The following ITGAV variants were observed in gnomAD, a reference collection of about 807,000 sequenced individuals.
The protein encoded by ITGAV is integrin subunit alpha V, also known as integrin alpha-V.
Under a neutral mutation model 143.8 loss-of-function variants are expected in ITGAV, and 76 were observed. That is an observed-to-expected ratio of 0.53 (90% CI 0.44 to 0.64). The LOEUF (loss-of-function observed/expected upper bound fraction) is 0.64. ITGAV is among the 30% of genes least tolerant of loss of function. The pLI, the probability that ITGAV is intolerant of heterozygous loss-of-function variation, is 0.00. For missense variants in ITGAV, 1,193 were observed against 1,274.7 expected (o/e 0.94, Z 0.98); for synonymous variants, 453 against 446.7 (o/e 1.01, Z -0.18).
chr2:186,607,651 G>T (rs1687105622), intron 2 of ITGAV, among the ~76,000 whole-genome samples: 1 of 152,006 alleles, frequency 6.6e-6, no homozygotes, highest in Non-Finnish European at 1.5e-5. Flanking sequence ...TAGCATAATG[G>T]GAACTAAACT....
chr2:186,633,564 A>G (rs1687875431), intron 6 of ITGAV, among the ~76,000 whole-genome samples, 190 bp downstream of exon 6: 2 of 150,728 alleles, frequency 1.3e-5, no homozygotes, highest in Admixed American at 1.3e-4. Flanking sequence ...ATATGTGTAT[A>G]TTCCTAGAAG....
At chr2:186,618,147 C>G (rs1031770634) in intron 2 of ITGAV, among the ~76,000 whole-genome samples, 5 of 152,124 alleles carry the variant, frequency 3.3e-5, no homozygotes, top group Admixed American at 3.3e-4. Context: ...GGTGAAACTT[C>G]TATGTAATGT....
At position 186,633,149 on chromosome 2, in the gene ITGAV, A is replaced by G. The variant is rs967714916; in HGVS notation, c.586-180A>G. 2.0e-5 allele frequency among the ~76,000 whole-genome samples: 3 copies of G among 151,880 alleles called. No individual in the cohort carries two copies. In the South Asian group the frequency reaches 6.2e-4, roughly 31 times the overall value. ...GGAAGACTTTGTCTCTACAAAAAAA[A>G]AAAAAAGTCTTATTAAATTTTAAAA... On this transcript the variant is annotated intron_variant, in intron 5 of 29. Transcript: ENST00000261023.
intron 2 of ITGAV, among the ~76,000 whole-genome samples, chr2:186,618,885 G>A (rs1390957360): frequency 2.0e-5 from 3 of 152,012 alleles, no homozygotes; most frequent in African/African-American, 7.3e-5. Flanking sequence ...CATATGATCT[G>A]GCAATCCCAC....
intron 2 of ITGAV, among the ~76,000 whole-genome samples, chr2:186,613,532 C>T (rs1184544776): frequency 6.6e-6 from 1 of 152,060 alleles, no homozygotes; most frequent in Non-Finnish European, 1.5e-5. Flanking sequence ...AAATTAATAA[C>T]ACTTTTGCAT....
rs553228033 is a variant in ITGAV, at chr2:186,627,899, T to G, written c.523+2312T>G. ...CTTTGTTTCTAATAGGCCTGACACT[T>G]TCAGTAACCCTTGATTATTGTACAT... is the stretch of plus-strand genomic sequence containing the variant. On this transcript the variant is annotated intron_variant, in intron 4 of 29. Transcript: ENST00000261023. 3.3e-5 allele frequency among the ~76,000 whole-genome samples: 5 copies of G among 152,290 alleles called. No individual in the cohort carries two copies. In the South Asian group the frequency reaches 1.0e-3, roughly 32 times the overall value.
rs1688937735 is a variant in ITGAV at position 186,667,671 on chromosome 2, A to C, written c.2328A>C (p.Gly776=). 1.9e-6 allele frequency: 3 copies of C among 1,562,758 alleles called. No homozygotes were observed. The highest frequency in any genetic ancestry group is 2.7e-5 in the African/African-American group (2 of 73,900). The change falls in exon 24 of 30, where the codon GGA becomes GGC. Residue 776 remains glycine, a splice_region_variant and synonymous_variant. Coordinates refer to ENST00000261023, the MANE Select transcript of ITGAV (RefSeq NM_002210.5). Reference sequence around the variant, plus strand: ...TAGGTTTTCTTTGGTCATTGTTTAGAGTCTCGAGTCCTGATCATGTCTTTC... The same window carrying C: ...TAGGTTTTCTTTGGTCATTGTTTAGCGTCTCGAGTCCTGATCATGTCTTTC... ...LAVLAAVEIR[G]VSSPDHVFLP...
chr2:186,665,081 T>G, intron 20 of ITGAV, 45 bp from the exon 21 acceptor site: 8 of 1,207,172 alleles, frequency 6.6e-6, no homozygotes, highest in Non-Finnish European at 9.5e-6. Flanking sequence ...TGATACTTTA[T>G]TTCCTTTCAT....
At chr2:186,633,174 A>G (rs1304471941) in intron 5 of ITGAV, among the ~76,000 whole-genome samples, 155 bp from the exon 6 acceptor site, 1 of 151,942 alleles carries the variant, frequency 6.6e-6, no homozygotes, top group Non-Finnish European at 1.5e-5. Context: ...AAATTTTAAA[A>G]AATATAATTA....
intron 1 of ITGAV, among the ~76,000 whole-genome samples, chr2:186,596,112 G>A (rs530061224): frequency 3.9e-5 from 6 of 152,096 alleles, no homozygotes; most frequent in East Asian, 1.9e-4. Flanking sequence ...TTGTATTTTC[G>A]TGGTGTTTCA....
intron 12 of ITGAV, chr2:186,641,819 A>T (rs1213586967): frequency 1.9e-6 from 1 of 514,890 alleles, no homozygotes; most frequent in African/African-American, 1.9e-5. Flanking sequence ...TTGGCCTCAA[A>T]TTAGAAGGTC....
chr2:186,637,189 G>T (rs1430711945), intron 8 of ITGAV, 80 bp downstream of exon 8: 2 of 1,266,312 alleles, frequency 1.6e-6, no homozygotes, highest in Non-Finnish European at 2.3e-6. Flanking sequence ...AAAATTTTAA[G>T]CAGTTTGAGT....
chr2:186,617,408 A>C (rs1687395322), intron 2 of ITGAV, among the ~76,000 whole-genome samples: 1 of 152,256 alleles, frequency 6.6e-6, no homozygotes, highest in South Asian at 2.1e-4. Flanking sequence ...TAAGGAGTAG[A>C]GTCGAAAGCT....
In ITGAV at chr2:186,678,722, T is replaced by C. The variant is rs775715166; in HGVS notation, c.*1430T>C. 8.8e-6 allele frequency: 4 copies of C among 455,888 alleles called. No individual in the cohort carries two copies. The highest frequency in any genetic ancestry group is 6.2e-5 in the South Asian group (4 of 64,456). The allele number at this position is 455,888 out of a possible 1,614,324, so 28.2% of individuals were successfully genotyped here. A position where few individuals can be genotyped will look rare whatever the true frequency, so the allele number is the denominator to read the frequency against. The stretch of plus-strand genomic sequence containing the variant: ...TCAAGGCCTGGGGATGATGATCAGT[T>C]ATACCTATTTTTGTGCAATTACATC... On this transcript the variant is annotated 3_prime_UTR_variant, in exon 30 of 30. Transcript: ENST00000261023.
At chr2:186,600,259 C>G in intron 1 of ITGAV, 3 of 1,357,906 alleles carry the variant, frequency 2.2e-6, no homozygotes, top group South Asian at 2.6e-5. Flanking sequence ...CTACCTCTGC[C>G]TCACATATTC....
chr2:186,651,953 ACTTCAT>A (rs1265653020), intron 14 of ITGAV, 23 bp from the exon 15 acceptor site: 1 of 1,294,424 alleles, frequency 7.7e-7, no homozygotes, highest in African/African-American at 1.5e-5. Context: ...ATAATTTTTT[ACTTCAT>A]CTTCTTTTCC....
rs572796097 is a variant in ITGAV, at chr2:186,604,310, A to G, written c.316+2159A>G. Among the ~76,000 whole-genome samples the G allele has an allele frequency of 1.6e-4, 25 of 152,304 alleles. No homozygotes were observed. The East Asian group carries it at 4.4e-3, about 27-fold the overall frequency. ...TTCTAACAATAGAAATCTCTTGTAG[A>G]TATTTCCTTATCGGCATATGAATTT... On this transcript the variant is annotated intron_variant, in intron 2 of 29. Coordinates refer to ENST00000261023, the MANE Select transcript of ITGAV (RefSeq NM_002210.5).
intron 4 of ITGAV, among the ~76,000 whole-genome samples, chr2:186,627,773 T>C (rs1275788289): frequency 1.3e-5 from 2 of 152,184 alleles, no homozygotes; most frequent in Non-Finnish European, 2.9e-5. Context: ...TTCGGCTTTT[T>C]ACAGAAAAAG....
At chr2:186,600,305 CCCCCACT>C in intron 1 of ITGAV, 1 of 1,533,900 alleles carries the variant, frequency 6.5e-7, no homozygotes, top group Non-Finnish European at 8.8e-7. Context: ...TCATCCCCAC[CCCCCACT>C]CCCCTCCATC....
Sources: allele counts gnomAD v4.1 joint callset (sites outside exome capture counted in the v4.1 genomes callset), GRCh38; gene constraint gnomAD v4.1.1; transcripts MANE v1.5; gene names NCBI Gene and HGNC (gene_info 2026-07-23, HGNC 2026-07-21).